Variants in PTPRC observed in about 807,000 individuals in gnomAD.
PTPRC encodes the protein protein tyrosine phosphatase receptor type C.
Under a neutral mutation model 155.9 loss-of-function variants are expected in PTPRC, and 44 were observed. The ratio of observed to expected loss-of-function variants is 0.28; its 90% CI spans 0.22 to 0.36. The LOEUF is 0.36. Among genes scored for constraint, PTPRC ranks in the 10% least tolerant of loss-of-function variants. The probability of loss-of-function intolerance (pLI) is 1.00; values close to 1 mark genes in which losing one functional copy is unlikely to be tolerated. For synonymous variants in PTPRC, 525 were observed against 533.1 expected (o/e 0.98, Z 0.21); for missense variants, 1,401 against 1,564.6 (o/e 0.90, Z 1.76).
intron 14 of PTPRC, among the ~76,000 whole-genome samples, chr1:198,720,362 G>A (rs887101169): frequency 3.9e-5 from 6 of 151,910 alleles, no homozygotes; most frequent in East Asian, 1.9e-4. Flanking sequence ...AAAGAGTCTC[G>A]CTTTGTCACC....
rs957486404 is a variant in PTPRC, at chr1:198,654,552, A to C, written c.73+15211A>C. Among the ~76,000 whole-genome samples, 10 of 151,928 alleles carry C rather than the reference A, an allele frequency of 6.6e-5. No individual in the cohort carries two copies. The East Asian group carries it at 1.9e-3, about 29-fold the overall frequency. On this transcript the variant is annotated intron_variant, in intron 2 of 32. Coordinates refer to ENST00000442510, the MANE Select transcript of PTPRC (RefSeq NM_002838.5). Reference sequence around the variant, plus strand: ...ATCTGTTGTCCTATTTTACAATTGTAGCAATTAATCTGCCAAACTCTTTAA... The same window carrying C: ...ATCTGTTGTCCTATTTTACAATTGTCGCAATTAATCTGCCAAACTCTTTAA...
At chr1:198,742,084 C>A (rs1439947687) in intron 24 of PTPRC, 58 bp downstream of exon 24, 2 of 1,604,388 alleles carry the variant, frequency 1.2e-6, no homozygotes, top group African/African-American at 2.7e-5. Flanking sequence ...CAGAATCCAC[C>A]TGCCTAGGGC....
intron 2 of PTPRC, among the ~76,000 whole-genome samples, 170 bp from the exon 3 acceptor site, chr1:198,692,177 A>G (rs1394713500): frequency 2.6e-5 from 4 of 152,104 alleles, no homozygotes; most frequent in African/African-American, 7.2e-5. Flanking sequence ...CTTTGTAAAC[A>G]TGGTACTAAG....
At chr1:198,699,424 C>A in intron 4 of PTPRC, 140 bp from the exon 5 acceptor site, 1 of 1,044,332 alleles carries the variant, frequency 9.6e-7, no homozygotes, top group Non-Finnish European at 1.4e-6. Context: ...AATTTAAATA[C>A]TGACAGACAC....
chr1:198,667,224 A>ATTGTTATT (rs1161173616), intron 2 of PTPRC, among the ~76,000 whole-genome samples: 1 of 152,204 alleles, frequency 6.6e-6, no homozygotes, highest in Non-Finnish European at 1.5e-5. Context: ...ATTGGCCAGA[A>ATTGTTATT]ATTTAACATA....
chr1:198,696,422 A>G (rs1179919098), intron 3 of PTPRC, among the ~76,000 whole-genome samples: 5 of 151,490 alleles, frequency 3.3e-5, no homozygotes, highest in Non-Finnish European at 5.9e-5. Flanking sequence ...CCCCATTTTT[A>G]TCTTTAGCTA....
chr1:198,741,803 A>C (rs1654911146), intron 23 of PTPRC, 66 bp from the exon 24 acceptor site: 5 of 1,499,188 alleles, frequency 3.3e-6, no homozygotes, highest in Non-Finnish European at 4.6e-6. Context: ...ACTCCCTTCC[A>C]CTTATTTATG....
At chr1:198,658,830 CAA>C (rs111375457) in intron 2 of PTPRC, among the ~76,000 whole-genome samples, 1 of 145,048 alleles carries the variant, frequency 6.9e-6, no homozygotes, top group African/African-American at 2.5e-5. Flanking sequence ...CATGATAATC[CAA>C]AAAAAAAAAT....
rs146712861 is a variant in PTPRC, at chr1:198,712,125, G to A, written c.1172-828G>A. 6.8e-3 allele frequency among the ~76,000 whole-genome samples: 1,038 copies of A among 152,268 alleles called. 16 individuals carry two copies. Among genetic ancestry groups the A allele is most frequent in the African/African-American group, 0.024 (997 of 41,540 alleles). On this transcript the variant is annotated intron_variant, in intron 11 of 32. Transcript: ENST00000442510. Reference sequence around the variant, plus strand: ...TGTTGAATCCTAGGTAAAATGTGGTGTATCTTTACAATAACTACTGATAAT... The same window carrying A: ...TGTTGAATCCTAGGTAAAATGTGGTATATCTTTACAATAACTACTGATAAT...
chr1:198,750,474 CT>C lies in PTPRC; in HGVS notation c.3073-11del, dbSNP rs572108683. On this transcript the variant is annotated splice_polypyrimidine_tract_variant and intron_variant, in intron 28 of 32. Coordinates refer to ENST00000442510, the MANE Select transcript of PTPRC (RefSeq NM_002838.5). ...TCTTCTGTAGTAACGAAGTCCCACCCTTTTTTTGTCTAAAAAGAGCTACTGG... is the reference window on the plus strand; with the variant it reads ...TCTTCTGTAGTAACGAAGTCCCACCCTTTTTTGTCTAAAAAGAGCTACTGG... 4.3e-6 allele frequency: 7 copies of C among 1,609,892 alleles called. No homozygotes were observed. The highest frequency in any genetic ancestry group is 2.2e-5 in the East Asian group (1 of 44,806).
chr1:198,709,507 T>C (rs148405430), intron 10 of PTPRC, among the ~76,000 whole-genome samples, 180 bp from the exon 11 acceptor site: 200 of 152,310 alleles, frequency 1.3e-3, no homozygotes, highest in Non-Finnish European at 1.4e-3. Flanking sequence ...ACTCAGCCTG[T>C]ATTTTCATAA....
intron 15 of PTPRC, among the ~76,000 whole-genome samples, chr1:198,725,214 A>G (rs1654078509): frequency 6.6e-6 from 1 of 152,054 alleles, no homozygotes; most frequent in Non-Finnish European, 1.5e-5. Context: ...GGTTGAGTCT[A>G]TTAGTCATAA....
At chr1:198,648,565 G>A (rs1232284312) in intron 2 of PTPRC, among the ~76,000 whole-genome samples, 4 of 151,738 alleles carry the variant, frequency 2.6e-5, no homozygotes, top group East Asian at 1.9e-4. Context: ...TTTCTCAGAG[G>A]TTGTTTGTGT....
chr1:198,731,281 ATAAT>A (rs1234577209), intron 17 of PTPRC, among the ~76,000 whole-genome samples: 3 of 152,022 alleles, frequency 2.0e-5, no homozygotes, highest in Admixed American at 1.3e-4. Flanking sequence ...TTATAAATAA[ATAAT>A]TATAGTAATT....
intron 14 of PTPRC, 70 bp downstream of exon 14, chr1:198,718,372 A>C (rs1343944943): frequency 8.1e-7 from 1 of 1,241,938 alleles, no homozygotes; most frequent in Non-Finnish European, 1.2e-6. Context: ...GTACTTAAAT[A>C]ACTTTAAGAC....
intron 26 of PTPRC, among the ~76,000 whole-genome samples, chr1:198,745,356 A>G (rs1297876181): frequency 6.6e-6 from 1 of 151,774 alleles, no homozygotes; most frequent in Non-Finnish European, 1.5e-5. Flanking sequence ...GTAAGACAGA[A>G]GATGAGAGTA....
At chr1:198,751,250 G>A (rs1475104687) in intron 29 of PTPRC, among the ~76,000 whole-genome samples, 1 of 151,912 alleles carries the variant, frequency 6.6e-6, no homozygotes, top group Non-Finnish European at 1.5e-5. Flanking sequence ...ATAGTTGAAG[G>A]TGAATCTAAG....
chr1:198,719,707 TTCAAA>T (rs1321236911), intron 14 of PTPRC, among the ~76,000 whole-genome samples: 1 of 152,022 alleles, frequency 6.6e-6, no homozygotes, highest in East Asian at 1.9e-4. Context: ...GCCTCCCGGG[TTCAAA>T]TGATTCTCCT....
chr1:198,702,360 C>G, intron 5 of PTPRC, 27 bp from the exon 6 acceptor site: 2 of 1,614,198 alleles, frequency 1.2e-6, no homozygotes, highest in South Asian at 1.1e-5. Context: ...ACACAAGTGA[C>G]AGTGCTGATG....
Sources: gnomAD v4.1 joint callset for allele counts (sites outside exome capture counted in the v4.1 genomes callset) on GRCh38, gnomAD v4.1.1 for gene constraint, MANE v1.5 for transcripts, NCBI Gene and HGNC (gene_info 2026-07-23, HGNC 2026-07-21) for gene names.